The following SLC44A3 variants were observed in gnomAD, a reference collection of about 807,000 sequenced individuals.
SLC44A3 encodes solute carrier family 44 member 3, also known as choline transporter-like protein 3.
A neutral mutation model predicts 75.4 loss-of-function variants in SLC44A3; 74 were observed. That is an observed-to-expected ratio of 0.98 (90% CI 0.81 to 1.19). SLC44A3 has a LOEUF of 1.19. Ranked by LOEUF, SLC44A3 falls within the 50% of genes most tolerant of loss-of-function variation. The probability of loss-of-function intolerance (pLI) is 0.00; values close to 1 mark genes in which losing one functional copy is unlikely to be tolerated. For synonymous variants in SLC44A3, 310 were observed against 296.9 expected (o/e 1.04, Z -0.45); for missense variants, 700 against 778.6 (o/e 0.90, Z 1.20).
chr1:94,823,720 T>A (rs1005022906), intron 2 of SLC44A3, among the ~76,000 whole-genome samples: 1 of 152,234 alleles, frequency 6.6e-6, no homozygotes, highest in African/African-American at 2.4e-5. Flanking sequence ...TCTCCTGGAA[T>A]GAACTTGTCA....
At chr1:94,825,464 G>T (rs1215143429) in intron 3 of SLC44A3, among the ~76,000 whole-genome samples, 1 of 152,094 alleles carries the variant, frequency 6.6e-6, no homozygotes, top group African/African-American at 2.4e-5. Context: ...CCAAGTAGCT[G>T]GGACTGCAGG....
intron 10 of SLC44A3, among the ~76,000 whole-genome samples, chr1:94,858,698 T>G (rs1044606543): frequency 6.6e-6 from 1 of 151,964 alleles, no homozygotes; most frequent in Non-Finnish European, 1.5e-5. Context: ...TTTGTTTGTT[T>G]GTTTGTTTAT....
chr1:94,844,814 T>G (rs1664185303), intron 8 of SLC44A3, among the ~76,000 whole-genome samples: 1 of 152,144 alleles, frequency 6.6e-6, no homozygotes, highest in African/African-American at 2.4e-5. Context: ...CAGAATGGTT[T>G]GTTTCATTAA....
intron 12 of SLC44A3, among the ~76,000 whole-genome samples, chr1:94,882,333 G>A (rs1316002728): frequency 6.6e-6 from 1 of 152,168 alleles, no homozygotes; most frequent in Non-Finnish European, 1.5e-5. Context: ...GTGTAAAGAG[G>A]AGGAAACCAG....
At chr1:94,828,645 G>T in intron 5 of SLC44A3, 59 bp downstream of exon 5, 2 of 1,454,750 alleles carry the variant, frequency 1.4e-6, no homozygotes, top group Non-Finnish European at 1.9e-6. Flanking sequence ...TACTTGGTGT[G>T]CATCTGTTAC....
At chr1:94,879,615 A>G (rs557180945) in intron 12 of SLC44A3, among the ~76,000 whole-genome samples, 11 of 151,794 alleles carry the variant, frequency 7.2e-5, no homozygotes, top group African/African-American at 2.4e-4. Context: ...GGAGGTGGGC[A>G]GATCACGAGG....
intron 12 of SLC44A3, among the ~76,000 whole-genome samples, chr1:94,884,340 C>T (rs937276110): frequency 4.6e-5 from 7 of 152,212 alleles, no homozygotes; most frequent in African/African-American, 1.7e-4. Context: ...CCTCACTCCA[C>T]ATGTGTTTGT....
At chr1:94,836,925 A>C (rs1424269435) in intron 5 of SLC44A3, 84 of 149,986 alleles carry the variant, frequency 5.6e-4, no homozygotes, top group Admixed American at 5.3e-4. Context: ...AAAAAAAAAA[A>C]AAAAAAAAAA....
chr1:94,894,471 CTTTTG>C (rs1162468994), intron 14 of SLC44A3, among the ~76,000 whole-genome samples: 2 of 152,194 alleles, frequency 1.3e-5, no homozygotes, highest in Non-Finnish European at 2.9e-5. Flanking sequence ...CCTGGACAGA[CTTTTG>C]TCACAAACCA....
intron 6 of SLC44A3, among the ~76,000 whole-genome samples, chr1:94,839,648 C>T (rs1434202486): frequency 1.3e-5 from 2 of 152,186 alleles, no homozygotes; most frequent in Non-Finnish European, 2.9e-5. Flanking sequence ...CTCGGCCTCC[C>T]AAAGTGCTGG....
intron 9 of SLC44A3, among the ~76,000 whole-genome samples, chr1:94,848,056 G>A (rs1035840297): frequency 3.2e-4 from 48 of 152,106 alleles, no homozygotes; most frequent in African/African-American, 1.1e-3. Context: ...GTGAAACCCC[G>A]TCTCTACTAA....
chr1:94,878,205 A>C (rs1426452481), intron 12 of SLC44A3, among the ~76,000 whole-genome samples: 4 of 152,112 alleles, frequency 2.6e-5, no homozygotes. Context: ...ACTGCACTCC[A>C]ACCTGGGCGA....
intron 12 of SLC44A3, among the ~76,000 whole-genome samples, chr1:94,878,414 G>A (rs1332949725): frequency 3.9e-5 from 6 of 152,220 alleles, no homozygotes; most frequent in African/African-American, 7.2e-5. Context: ...GGACCCGAAC[G>A]CCCTCAGTAT....
intron 9 of SLC44A3, among the ~76,000 whole-genome samples, chr1:94,855,580 G>C (rs984516682): frequency 1.4e-4 from 21 of 152,176 alleles, no homozygotes; most frequent in African/African-American, 4.8e-4. Flanking sequence ...AACAGAGATT[G>C]CCTCCAAGCC....
At chr1:94,875,336 C>T (rs191828571) in intron 12 of SLC44A3, among the ~76,000 whole-genome samples, 2 of 152,324 alleles carry the variant, frequency 1.3e-5, no homozygotes, top group African/African-American at 4.8e-5. Context: ...CACTAGGGCA[C>T]TCCTTCCACA....
At chr1:94,862,989 G>A (rs1666754053) in intron 10 of SLC44A3, among the ~76,000 whole-genome samples, 1 of 152,138 alleles carries the variant, frequency 6.6e-6, no homozygotes. Flanking sequence ...GGGGAGAGGT[G>A]GTAGGATGAC....
At chr1:94,865,542 C>T (rs1249693725) in intron 11 of SLC44A3, among the ~76,000 whole-genome samples, 2 of 152,138 alleles carry the variant, frequency 1.3e-5, no homozygotes, top group African/African-American at 4.8e-5. Context: ...GGGGATTTCT[C>T]CTCCTAGTTT....
chr1:94,846,103 C>A (rs958316897), intron 9 of SLC44A3, among the ~76,000 whole-genome samples: 1 of 150,266 alleles, frequency 6.7e-6, no homozygotes, highest in Admixed American at 6.6e-5. Flanking sequence ...GCCGAGATTG[C>A]GCCACTGCAC....
chr1:94,894,215 G>C (rs1173133618), intron 14 of SLC44A3, among the ~76,000 whole-genome samples: 13 of 152,152 alleles, frequency 8.5e-5, no homozygotes, highest in Admixed American at 8.5e-4. Flanking sequence ...ACTTGTAAAT[G>C]GCTATCATTG....
Sources: gnomAD v4.1 joint callset for allele counts (sites outside exome capture counted in the v4.1 genomes callset) on GRCh38, gnomAD v4.1.1 for gene constraint, MANE v1.5 for transcripts, NCBI Gene and HGNC (gene_info 2026-07-23, HGNC 2026-07-21) for gene names.